ZHX2: variants seen among roughly 807,000 people sequenced by gnomAD.
The protein encoded by ZHX2 is zinc fingers and homeoboxes protein 2.
Under a neutral mutation model 21.9 loss-of-function variants are expected in ZHX2, and 6 were observed. The observed-to-expected ratio is 0.27, with a 90% CI of 0.15 to 0.54. The LOEUF is 0.54. ZHX2 is among the 20% of genes least tolerant of loss of function. The pLI is 0.95. For missense variants in ZHX2, 908 were observed against 1,090.7 expected (o/e 0.83, Z 2.36); for synonymous variants, 434 against 437.1 (o/e 0.99, Z 0.09).
chr8:122,851,383 GTGA>G (rs1818896058), intron 1 of ZHX2, among the ~76,000 whole-genome samples: 1 of 152,212 alleles, frequency 6.6e-6, no homozygotes, highest in South Asian at 2.1e-4. Context: ...TATGATGATG[GTGA>G]TGATGACTGT....
chr8:122,839,898 C>T (rs1001914712), intron 1 of ZHX2, among the ~76,000 whole-genome samples: 1 of 152,156 alleles, frequency 6.6e-6, no homozygotes, highest in African/African-American at 2.4e-5. Flanking sequence ...ATTGATGGGA[C>T]CCTCTATTCT....
At chr8:122,904,040 C>G (rs1462593410) in intron 2 of ZHX2, among the ~76,000 whole-genome samples, 1 of 152,140 alleles carries the variant, frequency 6.6e-6, no homozygotes, top group Non-Finnish European at 1.5e-5. Context: ...CCAGGAATGA[C>G]GTGGTGGTGA....
chr8:122,958,641 G>A (rs1813365848), intron 3 of ZHX2, among the ~76,000 whole-genome samples: 2 of 152,202 alleles, frequency 1.3e-5, no homozygotes, highest in African/African-American at 4.8e-5. Context: ...ATGTTCCTCA[G>A]CCAACAGCTG....
chr8:122,822,554 G>A (rs1187143267), intron 1 of ZHX2, among the ~76,000 whole-genome samples: 1 of 152,214 alleles, frequency 6.6e-6, no homozygotes, highest in African/African-American at 2.4e-5. Flanking sequence ...AGTGGTAACT[G>A]AGCTGAAAAG....
chr8:122,830,468 A>G (rs1054671268), intron 1 of ZHX2, among the ~76,000 whole-genome samples: 3 of 152,142 alleles, frequency 2.0e-5, no homozygotes, highest in Non-Finnish European at 4.4e-5. Context: ...TAGAAAAGGG[A>G]AAAGGGACAA....
intron 3 of ZHX2, among the ~76,000 whole-genome samples, chr8:122,962,544 G>A (rs545940324): frequency 2.6e-5 from 4 of 152,208 alleles, no homozygotes; most frequent in South Asian, 4.2e-4. Context: ...ATCTAGGCTC[G>A]TTACATATTT....
At chr8:122,788,813 A>C (rs746997131) in intron 1 of ZHX2, among the ~76,000 whole-genome samples, 7 of 152,306 alleles carry the variant, frequency 4.6e-5, no homozygotes, top group Non-Finnish European at 8.8e-5. Flanking sequence ...GATAAGGGGC[A>C]TAGGGGTGCA....
At chr8:122,850,274 A>G (rs899134592) in intron 1 of ZHX2, among the ~76,000 whole-genome samples, 5 of 152,066 alleles carry the variant, frequency 3.3e-5, no homozygotes, top group African/African-American at 7.2e-5. Context: ...CTGGATTTAT[A>G]TAGGACACAC....
At chr8:122,908,891 G>A (rs1820410508) in intron 2 of ZHX2, among the ~76,000 whole-genome samples, 1 of 152,170 alleles carries the variant, frequency 6.6e-6, no homozygotes, top group Non-Finnish European at 1.5e-5. Context: ...TGAGCTCCAT[G>A]GGCAGCTGGA....
rs923121078 is a variant in ZHX2 at position 122,973,822 on chromosome 8, G to A, written c.*585G>A. 4 of 152,612 alleles carry A rather than the reference G, an allele frequency of 2.6e-5. No individual in the cohort carries two copies. The highest frequency in any genetic ancestry group is 9.7e-5 in the African/African-American group (4 of 41,442). The allele number at this position is 152,612 out of a possible 1,614,324, so 9.5% of individuals were successfully genotyped here. A position where few individuals can be genotyped will look rare whatever the true frequency, so the allele number is the denominator to read the frequency against. ...ATCCAGGCCCCTGTCTCAACTTGGA[G>A]AGAGGTGACAGACGGCAGATCTTCC... On this transcript the variant is annotated 3_prime_UTR_variant, in exon 4 of 4. Transcript: ENST00000314393.
At chr8:122,968,630 C>T (rs368494367) in intron 3 of ZHX2, among the ~76,000 whole-genome samples, 2 of 151,934 alleles carry the variant, frequency 1.3e-5, no homozygotes, top group African/African-American at 2.4e-5. Flanking sequence ...CCTGAGGTCA[C>T]AAGTTCAAGA....
chr8:122,911,310 G>A (rs1820475080), intron 2 of ZHX2, among the ~76,000 whole-genome samples: 1 of 151,932 alleles, frequency 6.6e-6, no homozygotes, highest in African/African-American at 2.4e-5. Context: ...AGTGAAGTGG[G>A]TGGAGTTGCG....
chr8:122,919,216 C>T (rs1434423663), intron 2 of ZHX2, among the ~76,000 whole-genome samples: 1 of 152,212 alleles, frequency 6.6e-6, no homozygotes, highest in Non-Finnish European at 1.5e-5. Flanking sequence ...CTCATCTCTT[C>T]CTCCTTCAAT....
rs984474677 is a variant in ZHX2, at chr8:122,973,803, G to A, written c.*566G>A. On this transcript the variant is annotated 3_prime_UTR_variant, in exon 4 of 4. Coordinates refer to ENST00000314393, the MANE Select transcript of ZHX2 (RefSeq NM_014943.5). ...CTCGGCAGGAAGGGCTGAAATCCAGGCCCCTGTCTCAACTTGGAGAGAGGT... is the reference window on the plus strand; with the variant it reads ...CTCGGCAGGAAGGGCTGAAATCCAGACCCCTGTCTCAACTTGGAGAGAGGT... 6.6e-6 allele frequency: 1 copy of A among 152,566 alleles called. No individual in the cohort carries two copies. 9.5% of individuals were successfully genotyped at this position (152,566 alleles called of 1,614,324 possible). A position where few individuals can be genotyped will look rare whatever the true frequency, so the allele number is the denominator to read the frequency against.
At chr8:122,972,807 A>G (rs1289645792) in intron 3 of ZHX2, among the ~76,000 whole-genome samples, 1 of 152,188 alleles carries the variant, frequency 6.6e-6, no homozygotes, top group Non-Finnish European at 1.5e-5. Context: ...CCCTAGAGTG[A>G]TCAAGTCCTA....
At chr8:122,871,841 C>T (rs1586347311) in intron 2 of ZHX2, among the ~76,000 whole-genome samples, 1 of 151,054 alleles carries the variant, frequency 6.6e-6, no homozygotes, top group African/African-American at 2.5e-5. Flanking sequence ...GTTTATCATC[C>T]TAGAGATGTC....
intron 1 of ZHX2, among the ~76,000 whole-genome samples, chr8:122,833,949 A>G (rs922614347): frequency 6.6e-6 from 1 of 151,728 alleles, no homozygotes; most frequent in African/African-American, 2.4e-5. Flanking sequence ...GTGAGCTGAG[A>G]TCGCGCCACT....
Position 122,823,860 on chromosome 8 carries a change from G to A in ZHX2, c.-282-39617G>A, listed in dbSNP as rs189404900. 6.4e-3 allele frequency among the ~76,000 whole-genome samples: 978 copies of A among 152,266 alleles called. 9 individuals are homozygous for A. The highest frequency in any genetic ancestry group is 0.023 in the African/African-American group (941 of 41,548). ...TTACCTCCTGATTTCATATTTACCT[G>A]TTGACTTTTGCGTTGTCTGTCTTCC... On this transcript the variant is annotated intron_variant, in intron 1 of 3. Transcript: ENST00000314393.
chr8:122,807,019 G>A (rs1181946480), intron 1 of ZHX2, among the ~76,000 whole-genome samples: 3 of 152,174 alleles, frequency 2.0e-5, no homozygotes, highest in Non-Finnish European at 4.4e-5. Context: ...TGGAGGGCGA[G>A]GATGTGCACT....
Sources: allele counts gnomAD v4.1 joint callset (sites outside exome capture counted in the v4.1 genomes callset), GRCh38; gene constraint gnomAD v4.1.1; transcripts MANE v1.5; gene names NCBI Gene and HGNC (gene_info 2026-07-23, HGNC 2026-07-21).